The following SGCG variants were observed in gnomAD, a reference collection of about 807,000 sequenced individuals.
The protein encoded by SGCG is sarcoglycan gamma.
In SGCG, 26 loss-of-function variants were observed where a neutral mutation model predicts 29.3. That is an observed-to-expected ratio of 0.89 (90% confidence interval 0.65 to 1.23). The LOEUF (loss-of-function observed/expected upper bound fraction) is 1.23. Among genes scored for constraint, SGCG ranks in the 50% most tolerant of loss-of-function variants. The pLI is 0.00. For synonymous variants in SGCG, 145 were observed against 129.7 expected, an observed-to-expected ratio of 1.12 and a Z score of -0.80; for missense variants, 353 against 356.0, an observed-to-expected ratio of 0.99 and a Z score of 0.07.
At chr13:23,284,062 T>G (rs1881406953) in intron 5 of SGCG, among the ~76,000 whole-genome samples, 1 of 152,200 alleles carries the variant, frequency 6.6e-6, no homozygotes, top group Non-Finnish European at 1.5e-5. Context: ...TCAACCTTGG[T>G]GAATCTGACA....
chr13:23,210,555 G>T (rs1345652073), intron 2 of SGCG, among the ~76,000 whole-genome samples: 13 of 152,072 alleles, frequency 8.5e-5, no homozygotes, highest in Admixed American at 7.9e-4. Context: ...GCCGGGCGTG[G>T]TGGCGGGCGC....
intron 2 of SGCG, among the ~76,000 whole-genome samples, chr13:23,222,116 T>C (rs1390370792): frequency 6.6e-6 from 1 of 152,184 alleles, no homozygotes. Context: ...ATGTATCAGA[T>C]TTTTGGATAC....
At chr13:23,243,241 G>C (rs1879576715) in intron 3 of SGCG, among the ~76,000 whole-genome samples, 1 of 152,154 alleles carries the variant, frequency 6.6e-6, no homozygotes, top group African/African-American at 2.4e-5. Context: ...CTGCAGCTTT[G>C]GTTCAGCACT....
chr13:23,248,453 A>T lies in SGCG; in HGVS notation c.298-2177A>T, dbSNP rs149446319. On this transcript the variant is annotated intron_variant, in intron 3 of 7. Coordinates refer to ENST00000218867, the MANE Select transcript of SGCG (RefSeq NM_000231.3). ...GCGGTGGCTCAGCCTGTAATCCCAGACCTTTGGGAGGTGGAGGCGGGCGGA... is the reference window on the plus strand; with the variant it reads ...GCGGTGGCTCAGCCTGTAATCCCAGTCCTTTGGGAGGTGGAGGCGGGCGGA... Among the ~76,000 whole-genome samples the T allele has an allele frequency of 3.9e-5, 6 of 152,102 alleles. No homozygotes were observed. The East Asian group carries it at 1.2e-3, about 29-fold the overall frequency.
chr13:23,252,649 T>C (rs914621716), intron 4 of SGCG, among the ~76,000 whole-genome samples: 22 of 152,012 alleles, frequency 1.4e-4, no homozygotes, highest in East Asian at 3.9e-4. Context: ...CAAGATCGCA[T>C]CACTGCACTC....
At chr13:23,282,211 G>T (rs1881332379) in intron 5 of SGCG, among the ~76,000 whole-genome samples, 2 of 152,136 alleles carry the variant, frequency 1.3e-5, no homozygotes, top group Non-Finnish European at 2.9e-5. Context: ...TACATTTTGT[G>T]ATTAAAGAAA....
chr13:23,288,709 G>A (rs1203028002), intron 5 of SGCG, among the ~76,000 whole-genome samples: 2 of 152,144 alleles, frequency 1.3e-5, no homozygotes, highest in Non-Finnish European at 2.9e-5. Context: ...ACATACTATT[G>A]GAATAACATC....
intron 1 of SGCG, among the ~76,000 whole-genome samples, chr13:23,196,703 A>T (rs1031141925): frequency 6.6e-6 from 1 of 152,108 alleles, no homozygotes; most frequent in Non-Finnish European, 1.5e-5. Context: ...ACTTCTCCCA[A>T]TTTATCTGCC....
chr13:23,212,732 G>C (rs907373545), intron 2 of SGCG, among the ~76,000 whole-genome samples: 1 of 152,140 alleles, frequency 6.6e-6, no homozygotes, highest in Admixed American at 6.5e-5. Context: ...CTTAGAAATG[G>C]ATACTGCTAA....
At chr13:23,203,322 C>T (rs1877842624) in intron 1 of SGCG, among the ~76,000 whole-genome samples, 2 of 152,270 alleles carry the variant, frequency 1.3e-5, no homozygotes, top group Middle Eastern at 3.4e-3. Context: ...CTTTGTAGAA[C>T]TCGGTAACTT....
At chr13:23,177,568 CTTTTTTTTT>C (rs71100158), upstream of SGCG, among the ~76,000 whole-genome samples, 1 of 76,384 alleles carries the variant, frequency 1.3e-5, no homozygotes, top group Non-Finnish European at 2.4e-5. Flanking sequence ...TGTGAGCAGG[CTTTTTTTTT>C]TTTTTTTTTT....
At chr13:23,240,665 C>T (rs1259377629) in intron 3 of SGCG, among the ~76,000 whole-genome samples, 1 of 151,658 alleles carries the variant, frequency 6.6e-6, no homozygotes, top group Non-Finnish European at 1.5e-5. Context: ...ATAAATATAT[C>T]TGAAAATTTT....
intron 7 of SGCG, among the ~76,000 whole-genome samples, chr13:23,321,291 CAG>C (rs981381723): frequency 1.3e-5 from 2 of 152,230 alleles, no homozygotes; most frequent in Admixed American, 1.3e-4. Context: ...CCTTTATTGA[CAG>C]GGGATTTGTT....
At chr13:23,290,867 T>G (rs187444297) in intron 5 of SGCG, among the ~76,000 whole-genome samples, 1 of 152,234 alleles carries the variant, frequency 6.6e-6, no homozygotes, top group Admixed American at 6.5e-5. Context: ...AACAGCAGTA[T>G]GTTGCAAAGA....
chr13:23,323,651 T>C (rs1883129620), intron 7 of SGCG, among the ~76,000 whole-genome samples: 1 of 152,240 alleles, frequency 6.6e-6, no homozygotes, highest in South Asian at 2.1e-4. Context: ...TAAATTATCA[T>C]ATGACCAGAA....
At chr13:23,203,281 A>T (rs1384348252) in intron 1 of SGCG, among the ~76,000 whole-genome samples, 1 of 152,102 alleles carries the variant, frequency 6.6e-6, no homozygotes, top group Non-Finnish European at 1.5e-5. Context: ...TTAAATTTAC[A>T]CATACCAGTT....
chr13:23,218,511 TTTAAG>T (rs1439198985), intron 2 of SGCG, among the ~76,000 whole-genome samples: 7 of 152,208 alleles, frequency 4.6e-5, no homozygotes, highest in African/African-American at 1.7e-4. Flanking sequence ...ACTAAAATTA[TTTAAG>T]TTGTTTATTA....
At chr13:23,289,511 T>C (rs2137634203) in intron 5 of SGCG, among the ~76,000 whole-genome samples, 1 of 152,352 alleles carries the variant, frequency 6.6e-6, no homozygotes, top group South Asian at 2.1e-4. Context: ...TTTGGCATCT[T>C]AAGTTACTCT....
chr13:23,280,982 A>G (rs1043754362), intron 5 of SGCG, among the ~76,000 whole-genome samples: 8 of 152,190 alleles, frequency 5.3e-5, no homozygotes, highest in African/African-American at 1.7e-4. Context: ...TTGATAAGCA[A>G]CTGTATTATT....
Sources: gnomAD v4.1 joint callset for allele counts (sites outside exome capture counted in the v4.1 genomes callset) on GRCh38, gnomAD v4.1.1 for gene constraint, MANE v1.5 for transcripts, NCBI Gene and HGNC (gene_info 2026-07-23, HGNC 2026-07-21) for gene names.